ASCC2: variants seen among roughly 807,000 people sequenced by gnomAD.
The protein encoded by ASCC2 is activating signal cointegrator 1 complex subunit 2.
In ASCC2, 42 loss-of-function variants were observed where a neutral mutation model predicts 93.5. The observed-to-expected ratio is 0.45, with a 90% CI of 0.35 to 0.58. The LOEUF is 0.58. Ranked by LOEUF, ASCC2 falls within the 20% of genes least tolerant of loss-of-function variation. The pLI is 0.00. For synonymous variants in ASCC2, 364 were observed against 384.2 expected, an observed-to-expected ratio of 0.95 and a Z score of 0.62; for missense variants, 859 against 977.6, an observed-to-expected ratio of 0.88 and a Z score of 1.62.
intron 5 of ASCC2, among the ~76,000 whole-genome samples, chr22:29,818,956 A>G (rs2061228313): frequency 6.6e-6 from 1 of 152,080 alleles, no homozygotes; most frequent in South Asian, 2.1e-4. Flanking sequence ...AAACCCACAC[A>G]GATGTGCCCA....
chr22:29,799,962 A>G (rs1180077698), intron 15 of ASCC2, among the ~76,000 whole-genome samples: 1 of 151,882 alleles, frequency 6.6e-6, no homozygotes, highest in Non-Finnish European at 1.5e-5. Flanking sequence ...TAATTTTTGT[A>G]TTTTTTGTAT....
Position 29,794,001 on chromosome 22 carries a change from C to T in ASCC2, c.1689-325G>A, listed in dbSNP as rs562965472. ...GCAACCTCCATCTCCCAGGTTCAAG[C>T]GATTCTTCTGTCTCAGCCTCCCGTG... On this transcript the variant is annotated intron_variant, in intron 15 of 19. Coordinates refer to ENST00000307790, the MANE Select transcript of ASCC2 (RefSeq NM_032204.5). Among the ~76,000 whole-genome samples, 6 of 151,706 alleles carry T rather than the reference C, an allele frequency of 4.0e-5. No individual in the cohort carries two copies. In the South Asian group the frequency reaches 8.3e-4, roughly 21 times the overall value.
chr22:29,814,472 A>G (rs921200915), intron 7 of ASCC2, among the ~76,000 whole-genome samples, 185 bp downstream of exon 7: 5 of 152,250 alleles, frequency 3.3e-5, no homozygotes, highest in African/African-American at 1.2e-4. Context: ...AATCCAAGCC[A>G]GCTGAAAATG....
In ASCC2 at chr22:29,817,464, C is replaced by A. The variant is rs1776936405; in HGVS notation, c.542-1391G>T. On this transcript the variant is annotated intron_variant, in intron 5 of 19. Transcript: ENST00000307790. Reference sequence around the variant, plus strand: ...ACCATTCTCAACCTCAGAAAACCATCCCTGTCCCCGCCTTCTGTTTGGAGT... The same window carrying A: ...ACCATTCTCAACCTCAGAAAACCATACCTGTCCCCGCCTTCTGTTTGGAGT... Among the ~76,000 whole-genome samples, 4 of 152,256 alleles carry A rather than the reference C, an allele frequency of 2.6e-5. No individual in the cohort carries two copies. In the South Asian group the frequency reaches 6.2e-4, roughly 24 times the overall value.
At chr22:29,833,558 G>A (rs1291056496) in intron 1 of ASCC2, 1 of 470,800 alleles carries the variant, frequency 2.1e-6, no homozygotes, top group Admixed American at 2.4e-5. Context: ...TCAGTGAGTG[G>A]CAGATCCAAG....
intron 2 of ASCC2, among the ~76,000 whole-genome samples, chr22:29,831,175 C>T (rs1187204263): frequency 6.6e-6 from 1 of 152,178 alleles, no homozygotes; most frequent in African/African-American, 2.4e-5. Flanking sequence ...GGCTATCATA[C>T]TGAAAAGAAC....
chr22:29,806,436 G>A, intron 11 of ASCC2, 49 bp downstream of exon 11: 1 of 1,595,638 alleles, frequency 6.3e-7, no homozygotes, highest in Non-Finnish European at 8.6e-7. Flanking sequence ...AAGGCCTCTT[G>A]GGGACCTGTG....
At chr22:29,827,899 G>GAC (rs5844872) in intron 2 of ASCC2, among the ~76,000 whole-genome samples, 5,712 of 39,980 alleles carry the variant, frequency 0.14, 1,576 homozygotes, top group African/African-American at 0.27. Flanking sequence ...TCATTCTTCT[G>GAC]ACACACACAC....
Position 29,804,737 on chromosome 22 carries a change from C to T in ASCC2, c.1254G>A (p.Ser418=), listed in dbSNP as rs537567887. ...RRKATDAKDP[S]VIEEPNGEPN... is the part of the protein sequence containing the mutation. The stretch of plus-strand genomic sequence containing the variant: ...GCTCCCCATTAGGCTCCTCAATCAC[C>T]GATGGGTCTTTAGCATCTGTGGCTT... The change falls in exon 13 of 20, where the codon TCG becomes TCA. Residue 418 remains serine (S), a synonymous_variant. Transcript: ENST00000307790. The T allele has an allele frequency of 2.0e-5, 33 of 1,614,128 alleles. No individual in the cohort carries two copies. The highest frequency in any genetic ancestry group is 7.7e-5 in the South Asian group (7 of 91,082).
At chr22:29,811,421 GTTAT>G (rs1028216866) in intron 8 of ASCC2, among the ~76,000 whole-genome samples, 3 of 152,168 alleles carry the variant, frequency 2.0e-5, no homozygotes, top group African/African-American at 7.2e-5. Flanking sequence ...ATGTGAATGT[GTTAT>G]TTATTCATAA....
chr22:29,799,488 G>A (rs1239266438), intron 15 of ASCC2, among the ~76,000 whole-genome samples: 2 of 152,168 alleles, frequency 1.3e-5, no homozygotes, highest in East Asian at 1.9e-4. Context: ...CCTAGGGAGG[G>A]GTAACAGCAC....
intron 12 of ASCC2, 59 bp from the exon 13 acceptor site, chr22:29,804,889 C>T: frequency 6.4e-7 from 1 of 1,559,848 alleles, no homozygotes; most frequent in South Asian, 1.2e-5. Context: ...AGCATAATTT[C>T]TCAGTCCCTC....
In ASCC2 at chr22:29,825,740, T is replaced by C. The variant is rs758346563; in HGVS notation, c.122A>G (p.Lys41Arg). The C allele has an allele frequency of 6.2e-7, 1 of 1,614,090 alleles. No homozygotes were observed. The change falls in exon 3 of 20, where the codon AAA becomes AGA. Residue 41 changes from lysine to arginine, a missense_variant. Physicochemically the swap from Lys to Arg is conservative, Grantham distance 26 (BLOSUM62 2). Transcript: ENST00000307790. This position sits in a 1 kb window ranked among gnomAD's most constrained non-coding sequence, Gnocchi z 4.9. ...GGGAATGTTGTCTTTAGGGGGCGGT[T>C]TGTATAACACAAAATACCGGTCTGC... ...QKADRYFVLY[K>R]PPPKDNIPAL...
intron 18 of ASCC2, among the ~76,000 whole-genome samples, chr22:29,791,796 A>C (rs1299242771): frequency 6.6e-6 from 1 of 152,170 alleles, no homozygotes; most frequent in African/African-American, 2.4e-5. Context: ...GGAAACTCTG[A>C]GTCTGTGCTT....
chr22:29,834,353 A>G, intron 1 of ASCC2: 1 of 375,844 alleles, frequency 2.7e-6, no homozygotes, highest in South Asian at 2.1e-5. Context: ...GGCAGAGGAA[A>G]CAGCAGAGCA....
intron 1 of ASCC2, chr22:29,833,761 T>TTGTC (rs1391971706): frequency 1.0e-4 from 38 of 364,944 alleles, no homozygotes; most frequent in Non-Finnish European, 1.8e-4. Flanking sequence ...CTGTCACCTC[T>TTGTC]TGAGCCTTCA....
intron 2 of ASCC2, among the ~76,000 whole-genome samples, chr22:29,826,884 T>G (rs1367537097): frequency 6.6e-6 from 1 of 151,616 alleles, no homozygotes; most frequent in Non-Finnish European, 1.5e-5. Context: ...GATCACGAGG[T>G]CAGGAGATCG....
intron 2 of ASCC2, among the ~76,000 whole-genome samples, chr22:29,827,322 G>T (rs1403324847): frequency 6.6e-6 from 1 of 152,024 alleles, no homozygotes; most frequent in African/African-American, 2.4e-5. Context: ...TTTCTCTGGG[G>T]AAGTGGTAGC....
At chr22:29,806,120 TA>T in intron 12 of ASCC2, 95 bp downstream of exon 12, 2 of 1,393,824 alleles carry the variant, frequency 1.4e-6, no homozygotes, top group African/African-American at 1.4e-5. Flanking sequence ...GTTCTGGGGC[TA>T]AACCTCTTTC....
Sources: gnomAD v4.1 joint callset for allele counts (sites outside exome capture counted in the v4.1 genomes callset) on GRCh38, gnomAD v4.1.1 for gene constraint, Gnocchi (gnomAD v3.1) non-coding constraint, MANE v1.5 for transcripts, NCBI Gene and HGNC (gene_info 2026-07-23, HGNC 2026-07-21) for gene names.